Variants in IPCEF1 observed in about 807,000 individuals in gnomAD.
IPCEF1 encodes the protein interactor protein for cytohesin exchange factors 1.
A neutral mutation model predicts 50.9 loss-of-function variants in IPCEF1; 31 were observed. That is an observed-to-expected ratio of 0.61 (90% CI 0.46 to 0.82). The LOEUF is 0.82. Among genes scored for constraint, IPCEF1 ranks in the 40% least tolerant of loss-of-function variants. The pLI is 0.00. For missense variants in IPCEF1, 458 were observed against 514.0 expected (o/e 0.89, Z 1.05); for synonymous variants, 181 against 192.0 (o/e 0.94, Z 0.47).
intron 3 of IPCEF1, among the ~76,000 whole-genome samples, chr6:154,264,498 G>A (rs747959296): frequency 8.6e-5 from 13 of 151,836 alleles, no homozygotes; most frequent in Admixed American, 2.6e-4. Context: ...TCAGCCTCCC[G>A]AGTAGCTGGG....
At chr6:154,221,563 A>G (rs548251411) in intron 6 of IPCEF1, among the ~76,000 whole-genome samples, 2 of 152,338 alleles carry the variant, frequency 1.3e-5, no homozygotes, top group East Asian at 3.9e-4. Context: ...TTAGCTGGTC[A>G]GTAGTTTCCA....
At chr6:154,307,715 C>A (rs2128678714) in intron 1 of IPCEF1, among the ~76,000 whole-genome samples, 2 of 152,322 alleles carry the variant, frequency 1.3e-5, no homozygotes, top group South Asian at 4.1e-4. Flanking sequence ...GACTTTTTCA[C>A]AGATCTGCAT....
At chr6:154,247,563 G>C in intron 3 of IPCEF1, 75 bp from the exon 4 acceptor site, 1 of 1,270,518 alleles carries the variant, frequency 7.9e-7, no homozygotes, top group Non-Finnish European at 1.1e-6. Context: ...GAAGGAGGGA[G>C]GAGGTGGCAG....
At chr6:154,291,711 G>T (rs1238331191) in intron 1 of IPCEF1, among the ~76,000 whole-genome samples, 4 of 127,318 alleles carry the variant, frequency 3.1e-5, no homozygotes, top group Non-Finnish European at 1.6e-5. Context: ...TTGAGATGGA[G>T]TCTCGCACTC....
intron 3 of IPCEF1, among the ~76,000 whole-genome samples, chr6:154,254,325 T>C (rs975593643): frequency 6.6e-6 from 1 of 152,126 alleles, no homozygotes; most frequent in African/African-American, 2.4e-5. Context: ...TCTGCATGGC[T>C]GAAGGGGCCT....
At chr6:154,241,108 C>G (rs542660068) in intron 5 of IPCEF1, among the ~76,000 whole-genome samples, 1 of 151,706 alleles carries the variant, frequency 6.6e-6, no homozygotes, top group Admixed American at 6.6e-5. Context: ...TGGTGGTGCA[C>G]GCCTGTAATC....
intron 3 of IPCEF1, among the ~76,000 whole-genome samples, chr6:154,264,011 C>CA (rs909101970): frequency 2.0e-5 from 3 of 150,842 alleles, no homozygotes; most frequent in African/African-American, 4.9e-5. Flanking sequence ...GCTGACCCCC[C>CA]CCACCTCCCT....
At chr6:154,267,071 G>A (rs1781774532) in intron 2 of IPCEF1, among the ~76,000 whole-genome samples, 1 of 151,702 alleles carries the variant, frequency 6.6e-6, no homozygotes, top group African/African-American at 2.4e-5. Context: ...GACATTTATT[G>A]GTAAAATGTG....
At chr6:154,266,374 G>C (rs12202262) in intron 2 of IPCEF1, among the ~76,000 whole-genome samples, 63,693 of 151,612 alleles carry the variant, frequency 0.42, 14,318 homozygotes, top group Middle Eastern at 0.54. Flanking sequence ...GACAGAACAA[G>C]ATCCTGTCTC....
Position 154,259,371 on chromosome 6 carries a change from C to T in IPCEF1, c.36+6541G>A, listed in dbSNP as rs557771762. ...TGGAATCAAAGAAATATGAAATGCG[C>T]GCTGGGCATGGTGGCTCACGCCTGT... On this transcript the variant is annotated intron_variant, in intron 3 of 11. Coordinates refer to ENST00000367220, the MANE Select transcript of IPCEF1 (RefSeq NM_001130700.2). 2.0e-4 allele frequency among the ~76,000 whole-genome samples: 30 copies of T among 152,180 alleles called. No individual in the cohort carries two copies. The South Asian group carries it at 4.8e-3, about 24-fold the overall frequency.
intron 1 of IPCEF1, among the ~76,000 whole-genome samples, chr6:154,349,315 C>T (rs1784084647): frequency 1.3e-5 from 2 of 151,786 alleles, no homozygotes; most frequent in South Asian, 4.1e-4. Context: ...CCTCCATCTC[C>T]TGAGTAGCTG....
chr6:154,192,413 A>T (rs1801983791), intron 10 of IPCEF1, among the ~76,000 whole-genome samples: 1 of 152,032 alleles, frequency 6.6e-6, no homozygotes, highest in African/African-American at 2.4e-5. Context: ...TTCTATGTAT[A>T]TGATACTTTT....
chr6:154,312,464 A>C (rs750209402), intron 1 of IPCEF1, among the ~76,000 whole-genome samples: 1 of 152,104 alleles, frequency 6.6e-6, no homozygotes, highest in Non-Finnish European at 1.5e-5. Flanking sequence ...CTTCTACCTC[A>C]GCCTCCTGAG....
intron 1 of IPCEF1, among the ~76,000 whole-genome samples, chr6:154,290,980 G>A (rs1200287278): frequency 3.5e-5 from 5 of 144,010 alleles, no homozygotes; most frequent in East Asian, 2.0e-4. Context: ...TGCAACCTCC[G>A]CCTCCCAGGT....
chr6:154,201,562 T>C (rs921333644), intron 9 of IPCEF1, among the ~76,000 whole-genome samples: 1 of 152,192 alleles, frequency 6.6e-6, no homozygotes, highest in Non-Finnish European at 1.5e-5. Context: ...TTGCATTACA[T>C]CATCCTATGG....
At chr6:154,225,909 G>A (rs771499629) in intron 5 of IPCEF1, among the ~76,000 whole-genome samples, 7 of 152,108 alleles carry the variant, frequency 4.6e-5, no homozygotes, top group Non-Finnish European at 8.8e-5. Context: ...CTCCACCCGC[G>A]TTGCTAAATC....
intron 11 of IPCEF1, among the ~76,000 whole-genome samples, chr6:154,166,220 A>C (rs1799412321): frequency 6.6e-6 from 1 of 152,252 alleles, no homozygotes. Context: ...TGCTGAATTC[A>C]CCAATGACGA....
chr6:154,232,217 A>C (rs1474472535), intron 5 of IPCEF1, among the ~76,000 whole-genome samples: 2 of 152,216 alleles, frequency 1.3e-5, no homozygotes, highest in Non-Finnish European at 2.9e-5. Context: ...TATCACAGAG[A>C]GCTGCACGTA....
intron 11 of IPCEF1, among the ~76,000 whole-genome samples, chr6:154,161,341 G>C (rs1208070859): frequency 1.3e-5 from 2 of 151,680 alleles, no homozygotes; most frequent in African/African-American, 4.8e-5. Flanking sequence ...CTCCCAAGTA[G>C]CTGGGATTAC....
Sources: allele counts gnomAD v4.1 joint callset (sites outside exome capture counted in the v4.1 genomes callset), GRCh38; gene constraint gnomAD v4.1.1; transcripts MANE v1.5; gene names NCBI Gene and HGNC (gene_info 2026-07-23, HGNC 2026-07-21).